Variants in CCDC3 observed in about 807,000 individuals in gnomAD.
CCDC3 encodes the protein coiled-coil domain-containing protein 3.
Under a neutral mutation model 21.4 loss-of-function variants are expected in CCDC3, and 24 were observed. That is an observed-to-expected ratio of 1.12 (90% CI 0.81 to 1.58). The LOEUF is 1.58. CCDC3 is among the 40% of genes most tolerant of loss of function. CCDC3 has a pLI of 0.00. For synonymous variants in CCDC3, 186 were observed against 166.0 expected, an observed-to-expected ratio of 1.12 and a Z score of -0.93; for missense variants, 425 against 360.9, an observed-to-expected ratio of 1.18 and a Z score of -1.44.
At chr10:13,041,218 T>C (rs945417586) in intron 5 of CCDC3, among the ~76,000 whole-genome samples, 9 of 152,144 alleles carry the variant, frequency 5.9e-5, no homozygotes, top group African/African-American at 1.9e-4. Flanking sequence ...TTGAGGTAAG[T>C]TGAAACAGAT....
chr10:12,957,340 A>C (rs918973634), intron 2 of CCDC3, among the ~76,000 whole-genome samples: 1 of 152,366 alleles, frequency 6.6e-6, no homozygotes, highest in East Asian at 1.9e-4. Context: ...CCTGCACTGC[A>C]GTAATACTGA....
At chr10:12,928,051 A>G (rs1834573567) in intron 2 of CCDC3, among the ~76,000 whole-genome samples, 1 of 152,220 alleles carries the variant, frequency 6.6e-6, no homozygotes, top group Non-Finnish European at 1.5e-5. Context: ...CAGGGAATGC[A>G]GGTGTGCACA....
intron 2 of CCDC3, among the ~76,000 whole-genome samples, chr10:12,990,254 C>T (rs1267468806): frequency 1.4e-5 from 2 of 138,978 alleles, no homozygotes; most frequent in African/African-American, 2.8e-5. Context: ...AGCGAGACTC[C>T]GTCTCAACCA....
intron 3 of CCDC3, among the ~76,000 whole-genome samples, chr10:13,074,501 T>C (rs1836935793): frequency 2.0e-5 from 3 of 151,654 alleles, no homozygotes; most frequent in East Asian, 1.9e-4. Context: ...AAATCTTTTC[T>C]TCTGGAGTTC....
chr10:13,072,542 G>A (rs143811434), intron 4 of CCDC3, among the ~76,000 whole-genome samples: 129 of 152,334 alleles, frequency 8.5e-4, no homozygotes, highest in Admixed American at 3.3e-3. Context: ...CTGCTCACAT[G>A]TGCACTGGGA....
intron 5 of CCDC3, among the ~76,000 whole-genome samples, chr10:13,008,368 C>T (rs1835948455): frequency 6.6e-6 from 1 of 152,072 alleles, no homozygotes; most frequent in Non-Finnish European, 1.5e-5. Flanking sequence ...GAGTCAGAGG[C>T]CAAGCAGGGT....
chr10:12,920,318 T>C (rs150848092), intron 2 of CCDC3, among the ~76,000 whole-genome samples: 137 of 152,282 alleles, frequency 9.0e-4, no homozygotes, highest in African/African-American at 3.1e-3. Flanking sequence ...TATGATTCAA[T>C]TATCTCCCAC....
Position 12,923,352 on chromosome 10 carries a change from C to G in CCDC3, c.550-24673G>C, listed in dbSNP as rs549510819. On this transcript the variant is annotated intron_variant, in intron 2 of 2. Coordinates refer to ENST00000378825, the MANE Select transcript of CCDC3 (RefSeq NM_031455.4). ...TTCACAAATACCTGAATTACAGCCA[C>G]TCTGAAATACTCGTTATTCCCTGAA... 3.3e-5 allele frequency among the ~76,000 whole-genome samples: 5 copies of G among 152,320 alleles called. No individual in the cohort carries two copies. In the East Asian group the frequency reaches 9.6e-4, roughly 29 times the overall value.
In CCDC3 at chr10:12,898,689, G is replaced by GA; in HGVS notation, c.550-11dup. ...CCGAGGAGCACATGAGCTGGAGGCA[G>GA]AGACAGCGTGCAAGGAGAGGAGGTG... On this transcript the variant is annotated splice_polypyrimidine_tract_variant and intron_variant, in intron 2 of 2. Transcript: ENST00000378825. 1 of 1,613,608 alleles carries GA rather than the reference G, an allele frequency of 6.2e-7. No individual in the cohort carries two copies. Among genetic ancestry groups the GA allele is most frequent in the Non-Finnish European group, 8.5e-7 (1 of 1,179,582 alleles).
rs150318958 is a variant in CCDC3 at position 13,060,258 on chromosome 10, G to A, written c.-269-10317C>T. On this transcript the variant is annotated intron_variant, in intron 4 of 6. Coordinates refer to the CCDC3 transcript ENST00000378839. The stretch of plus-strand genomic sequence containing the variant: ...CATGGAAGACGTGACCTTGCTGTGC[G>A]TGTCTGGGAATTCGTGCTTTCAAGA... Among the ~76,000 whole-genome samples, 38 of 152,264 alleles carry A rather than the reference G, an allele frequency of 2.5e-4. No homozygotes were observed. In the East Asian group the frequency reaches 6.4e-3, roughly 26 times the overall value.
chr10:13,084,019 A>G (rs7099921), intron 3 of CCDC3, among the ~76,000 whole-genome samples: 29,005 of 152,198 alleles, frequency 0.19, 3,380 homozygotes, highest in East Asian at 0.31. Flanking sequence ...TTTATATATA[A>G]CATCCTGATA....
At chr10:13,023,161 G>A (rs79749514) in intron 5 of CCDC3, among the ~76,000 whole-genome samples, 1 of 151,870 alleles carries the variant, frequency 6.6e-6, no homozygotes, top group African/African-American at 2.4e-5. Context: ...GATATTTAAC[G>A]CTGCTATTGT....
chr10:13,049,803 A>T (rs1007011540), exon 5 of CCDC3: 1 of 152,136 alleles, frequency 6.6e-6, no homozygotes. Flanking sequence ...CCCTTTCTGG[A>T]GGGCGGGTGT....
intron 2 of CCDC3, among the ~76,000 whole-genome samples, chr10:12,927,056 C>G (rs1834553746): frequency 6.6e-6 from 1 of 152,130 alleles, no homozygotes; most frequent in African/African-American, 2.4e-5. Context: ...CCCCAAGATC[C>G]TGATATCAGC....
At chr10:12,983,865 A>C (rs1029760823) in intron 2 of CCDC3, among the ~76,000 whole-genome samples, 3 of 152,144 alleles carry the variant, frequency 2.0e-5, no homozygotes, top group Non-Finnish European at 2.9e-5. Flanking sequence ...AGATCACTTG[A>C]GGTCAGGAGC....
In CCDC3 at chr10:12,983,787, A is replaced by G. The variant is rs116343348; in HGVS notation, c.549+14551T>C. Among the ~76,000 whole-genome samples, 1,252 of 152,226 alleles carry G rather than the reference A, an allele frequency of 8.2e-3. 16 individuals carry two copies. The highest frequency in any genetic ancestry group is 0.028 in the African/African-American group (1,184 of 41,546). On this transcript the variant is annotated intron_variant, in intron 2 of 2. Transcript: ENST00000378825. ...TAGCCATGAGGGAAATGCAAATTAA[A>G]GCCACACTGAGGCTGGGCGCAATGA...
chr10:12,963,564 A>G (rs890474017), intron 2 of CCDC3, among the ~76,000 whole-genome samples: 3 of 140,852 alleles, frequency 2.1e-5, no homozygotes, highest in Non-Finnish European at 4.5e-5. Context: ...ATTGAACTCC[A>G]GTTTTGTTTT....
At position 13,001,477 on chromosome 10, in the gene CCDC3, T is replaced by G; in HGVS notation, c.94A>C (p.Ser32Arg). The change falls in exon 1 of 3, where the codon AGC becomes CGC. Residue 32 changes from serine to arginine, a missense_variant. By Grantham distance (110) the Ser-to-Arg change is moderately radical. Transcript: ENST00000378825. ...CQLPSEWRPL[S>R]EGCRAELAET... ...GCCAGCTCGGCGCGGCAGCCCTCGC[T>G]CAGGGGCCTCCACTCGGAGGGCAGC... The G allele has an allele frequency of 7.2e-7, 1 of 1,395,786 alleles. No individual in the cohort carries two copies. The highest frequency in any genetic ancestry group is 1.6e-5 in the South Asian group (1 of 61,934). The allele number at this position is 1,395,786 out of a possible 1,614,324, so 86.5% of individuals were successfully genotyped here.
chr10:13,042,122 C>T (rs1349594566), intron 5 of CCDC3, among the ~76,000 whole-genome samples: 1 of 152,200 alleles, frequency 6.6e-6, no homozygotes, highest in East Asian at 1.9e-4. Flanking sequence ...TAGCCTGGAT[C>T]CAAATATTAA....
Sources: allele counts gnomAD v4.1 joint callset (sites outside exome capture counted in the v4.1 genomes callset), GRCh38; gene constraint gnomAD v4.1.1; transcripts MANE v1.5; gene names NCBI Gene and HGNC (gene_info 2026-07-23, HGNC 2026-07-21).